Variants in SLC41A3 observed in about 807,000 individuals in gnomAD.
SLC41A3 encodes solute carrier family 41 member 3.
Under a neutral mutation model 45.4 loss-of-function variants are expected in SLC41A3, and 44 were observed. The ratio of observed to expected loss-of-function variants is 0.97; its 90% CI spans 0.76 to 1.25. SLC41A3 has a LOEUF of 1.25. SLC41A3 is among the 50% of genes most tolerant of loss of function. The probability of loss-of-function intolerance (pLI) is 0.00; values close to 1 mark genes in which losing one functional copy is unlikely to be tolerated. For synonymous variants in SLC41A3, 256 were observed against 252.4 expected (o/e 1.01, Z -0.13); for missense variants, 550 against 600.6 (o/e 0.92, Z 0.88).
intron 4 of SLC41A3, among the ~76,000 whole-genome samples, chr3:126,030,186 C>A (rs1576259209): frequency 7.6e-6 from 1 of 131,424 alleles, no homozygotes; most frequent in Non-Finnish European, 1.7e-5. Context: ...TAAATAAAAT[C>A]TCAATATATG....
intron 1 of SLC41A3, among the ~76,000 whole-genome samples, chr3:126,081,083 C>G (rs1445180163): frequency 6.6e-6 from 1 of 152,156 alleles, no homozygotes; most frequent in African/African-American, 2.4e-5. Flanking sequence ...CAGCACTATT[C>G]ACAATAGCTA....
At chr3:126,066,840 A>G (rs1235395436) in intron 2 of SLC41A3, among the ~76,000 whole-genome samples, 1 of 152,206 alleles carries the variant, frequency 6.6e-6, no homozygotes, top group Non-Finnish European at 1.5e-5. Flanking sequence ...CGGTCCTAAG[A>G]CAAACCTTTG....
At chr3:126,047,242 G>A (rs1393002332) in intron 3 of SLC41A3, among the ~76,000 whole-genome samples, 1 of 151,486 alleles carries the variant, frequency 6.6e-6, no homozygotes, top group Non-Finnish European at 1.5e-5. Flanking sequence ...TCATGCCTGT[G>A]GTCCCAGCTA....
At chr3:126,088,904 G>C (rs899291334), upstream of SLC41A3, among the ~76,000 whole-genome samples, 93 of 152,302 alleles carry the variant, frequency 6.1e-4, no homozygotes, top group African/African-American at 2.2e-3. Context: ...AATCACTAAT[G>C]AGTATATATG....
chr3:126,046,406 C>A (rs2107849768), intron 3 of SLC41A3, among the ~76,000 whole-genome samples: 1 of 151,338 alleles, frequency 6.6e-6, no homozygotes, highest in Middle Eastern at 3.4e-3. Flanking sequence ...ATGAATTCAG[C>A]AAAGATGAAG....
At chr3:126,072,391 G>A (rs993746694) in intron 1 of SLC41A3, among the ~76,000 whole-genome samples, 5 of 144,784 alleles carry the variant, frequency 3.5e-5, no homozygotes, top group African/African-American at 1.3e-4. Context: ...AAAAAGGCCA[G>A]CAAAACCAAA....
chr3:126,095,368 G>C (rs181873486), intron 1 of SLC41A3: 2 of 522,700 alleles, frequency 3.8e-6, no homozygotes, highest in Non-Finnish European at 6.7e-6. Flanking sequence ...ACCACCCACC[G>C]GAGGACAGAT....
At chr3:126,063,259 G>C (rs912202966) in intron 2 of SLC41A3, among the ~76,000 whole-genome samples, 1 of 152,136 alleles carries the variant, frequency 6.6e-6, no homozygotes, top group Non-Finnish European at 1.5e-5. Context: ...GGTCTCCCCT[G>C]TCCTCAGTCC....
chr3:126,062,981 C>T (rs928000149), intron 2 of SLC41A3, among the ~76,000 whole-genome samples: 26 of 152,144 alleles, frequency 1.7e-4, no homozygotes, highest in African/African-American at 6.0e-4. Flanking sequence ...AGGCTGATGG[C>T]CGTAAGTTGT....
At chr3:126,063,949 A>ACCCCCAC (rs1553742156) in intron 2 of SLC41A3, among the ~76,000 whole-genome samples, 3 of 101,996 alleles carry the variant, frequency 2.9e-5, no homozygotes, top group South Asian at 3.6e-4. Flanking sequence ...GCCAGATCCA[A>ACCCCCAC]CCCCCCCCCG....
chr3:126,096,794 C>T (rs1439143795), intron 1 of SLC41A3, among the ~76,000 whole-genome samples: 2 of 152,168 alleles, frequency 1.3e-5, no homozygotes, highest in African/African-American at 4.8e-5. Flanking sequence ...CTGTGAGACC[C>T]CTGATTTCCC....
At chr3:126,050,415 T>A (rs997117378) in intron 3 of SLC41A3, among the ~76,000 whole-genome samples, 1 of 152,036 alleles carries the variant, frequency 6.6e-6, no homozygotes, top group Non-Finnish European at 1.5e-5. Context: ...TGGGAAGGTG[T>A]GAGAAGAGCT....
chr3:126,010,298 C>A (rs996517160), intron 9 of SLC41A3, among the ~76,000 whole-genome samples: 1 of 152,212 alleles, frequency 6.6e-6, no homozygotes, highest in African/African-American at 2.4e-5. Flanking sequence ...CATGGTGAAA[C>A]CCTGTCTCTA....
chr3:126,043,814 AAAAAAAC>A (rs1397909546), intron 3 of SLC41A3, among the ~76,000 whole-genome samples: 6 of 80,708 alleles, frequency 7.4e-5, no homozygotes, highest in Admixed American at 4.6e-4. Flanking sequence ...AAAAAAAAAC[AAAAAAAC>A]AAAAAAACAA....
intron 6 of SLC41A3, among the ~76,000 whole-genome samples, chr3:126,020,398 TCTC>T (rs1349137280): frequency 6.6e-6 from 1 of 152,196 alleles, no homozygotes; most frequent in Non-Finnish European, 1.5e-5. Context: ...GCCATGCTAA[TCTC>T]CTTAGAAACT....
At chr3:126,060,596 TA>T (rs1372372106) in intron 2 of SLC41A3, among the ~76,000 whole-genome samples, 2 of 152,156 alleles carry the variant, frequency 1.3e-5, no homozygotes, top group East Asian at 3.8e-4. Flanking sequence ...CTTTTATAAA[TA>T]AAAAACTATC....
At position 126,026,943 on chromosome 3, in the gene SLC41A3, C is replaced by T. The variant is rs984055547; in HGVS notation, c.454-464G>A. Among the ~76,000 whole-genome samples, 5 of 152,216 alleles carry T rather than the reference C, an allele frequency of 3.3e-5. No individual in the cohort carries two copies. The highest frequency in any genetic ancestry group is 7.3e-5 in the Non-Finnish European group (5 of 68,042). On this transcript the variant is annotated intron_variant, in intron 4 of 10. Transcript: ENST00000360370. This position sits in a 1 kb window ranked among gnomAD's most constrained non-coding sequence, Gnocchi z 4.2. ...GGTCTCTCCTTTGGCACCCTGCTCA[C>T]ACCCTCCCCTTCCAGGCTCTGTTCC...
intron 1 of SLC41A3, 123 bp from the exon 2 acceptor site, chr3:126,068,369 A>G: frequency 1.2e-6 from 1 of 803,194 alleles, no homozygotes; most frequent in Non-Finnish European, 1.8e-6. Flanking sequence ...CACAGCCCTT[A>G]CTCAGCACCT....
At chr3:126,010,710 C>A (rs570197372) in intron 9 of SLC41A3, among the ~76,000 whole-genome samples, 19 of 152,330 alleles carry the variant, frequency 1.2e-4, no homozygotes, top group African/African-American at 3.8e-4. Context: ...GCTAATGGGG[C>A]CCCCACCTTG....
Sources: allele counts gnomAD v4.1 joint callset (sites outside exome capture counted in the v4.1 genomes callset), GRCh38; gene constraint gnomAD v4.1.1; non-coding constraint Gnocchi (gnomAD v3.1); transcripts MANE v1.5; gene names NCBI Gene and HGNC (gene_info 2026-07-23, HGNC 2026-07-21).